ANK2: variants seen among roughly 807,000 people sequenced by gnomAD.
ANK2 encodes the protein ankyrin-2.
ANK2 carries 83 observed loss-of-function variants against 360.5 expected under a neutral mutation model. That is an observed-to-expected ratio of 0.23 (90% CI 0.19 to 0.28). The LOEUF (loss-of-function observed/expected upper bound fraction) is 0.28, where lower values mean the gene tolerates loss of function less well. Ranked by LOEUF, ANK2 falls within the 10% of genes least tolerant of loss-of-function variation. The probability of loss-of-function intolerance (pLI) is 1.00; values close to 1 mark genes in which losing one functional copy is unlikely to be tolerated. For synonymous variants in ANK2, 1,740 were observed against 1,759.5 expected (o/e 0.99, Z 0.28); for missense variants, 4,201 against 4,795.7 (o/e 0.88, Z 3.66).
intron 22 of ANK2, among the ~76,000 whole-genome samples, chr4:113,296,495 T>C (rs545622991): frequency 6.6e-6 from 1 of 152,314 alleles, no homozygotes; most frequent in East Asian, 1.9e-4. Flanking sequence ...CAAAGAAAGT[T>C]TCCTTTCCTA....
chr4:113,015,430 C>T (rs985866898), intron 2 of ANK2, among the ~76,000 whole-genome samples: 4 of 152,086 alleles, frequency 2.6e-5, no homozygotes, highest in Non-Finnish European at 4.4e-5. Flanking sequence ...ACCATATGTC[C>T]GAACTTTAAG....
intron 42 of ANK2, among the ~76,000 whole-genome samples, chr4:113,369,003 T>C (rs2096635504): frequency 6.6e-6 from 1 of 152,206 alleles, no homozygotes; most frequent in Non-Finnish European, 1.5e-5. Flanking sequence ...GAAAAAAGTT[T>C]CCATGTCAAC....
At chr4:113,228,409 T>A (rs747898233) in intron 4 of ANK2, among the ~76,000 whole-genome samples, 3 of 152,062 alleles carry the variant, frequency 2.0e-5, no homozygotes, top group African/African-American at 4.8e-5. Flanking sequence ...ATAGCTTAGC[T>A]CCCCCTAAGA....
chr4:113,019,306 T>G (rs1180727577), intron 2 of ANK2, among the ~76,000 whole-genome samples: 4 of 152,218 alleles, frequency 2.6e-5, no homozygotes, highest in African/African-American at 9.6e-5. Flanking sequence ...GTAAATAGAA[T>G]TATAAGCATA....
At chr4:113,165,075 G>A (rs1234181692) in intron 1 of ANK2, among the ~76,000 whole-genome samples, 1 of 152,050 alleles carries the variant, frequency 6.6e-6, no homozygotes, top group African/African-American at 2.4e-5. Context: ...TGTACAATAT[G>A]TAAAAACTCT....
At chr4:113,277,023 A>T (rs2060480428) in intron 15 of ANK2, among the ~76,000 whole-genome samples, 1 of 152,212 alleles carries the variant, frequency 6.6e-6, no homozygotes, top group African/African-American at 2.4e-5. Context: ...TCGAGATCTT[A>T]GTCCAGAGAC....
the ANK2 span, among the ~76,000 whole-genome samples, chr4:112,740,995 ATT>A: frequency 2.1e-5 from 3 of 141,264 alleles, no homozygotes; most frequent in Non-Finnish European, 3.1e-5. Flanking sequence ...TCTCAAAAAA[ATT>A]TTTTTTTTTT....
At chr4:113,131,309 G>T (rs1416418347) in intron 1 of ANK2, among the ~76,000 whole-genome samples, 1 of 152,122 alleles carries the variant, frequency 6.6e-6, no homozygotes, top group African/African-American at 2.4e-5. Flanking sequence ...ATGTTTAGCT[G>T]CCCTGAAGCA....
chr4:113,014,575 G>C (rs1322562574), intron 2 of ANK2, among the ~76,000 whole-genome samples: 1 of 152,138 alleles, frequency 6.6e-6, no homozygotes, highest in African/African-American at 2.4e-5. Context: ...TGGTTGGTTT[G>C]TTTGGGGTAA....
chr4:113,101,981 A>G (rs2092924711), intron 1 of ANK2, among the ~76,000 whole-genome samples: 1 of 152,174 alleles, frequency 6.6e-6, no homozygotes, highest in Non-Finnish European at 1.5e-5. Flanking sequence ...TGGTGAGGAT[A>G]GAGAAGCAAA....
At position 112,931,433 on chromosome 4, in the gene ANK2, C is replaced by CTTT. The variant is rs59802557; in HGVS notation, c.21+26940_21+26942dup. On this transcript the variant is annotated intron_variant, in intron 2 of 30. Transcript: ENST00000503271. ...TACCTTTCAAAGATTTCTTTCTTTT[C>CTTT]TTTTTTTTTTTTTTTTTTTTTTTGG... is the stretch of plus-strand genomic sequence containing the variant. 1.3e-3 allele frequency among the ~76,000 whole-genome samples: 115 copies of CTTT among 85,202 alleles called. 1 individual carries two copies. The highest frequency in any genetic ancestry group is 3.0e-3 in the South Asian group (7 of 2,328). 55.9% of individuals were successfully genotyped at this position (85,202 alleles called of 152,430 possible).
At chr4:113,203,705 C>A (rs914009031) in intron 4 of ANK2, among the ~76,000 whole-genome samples, 1 of 152,122 alleles carries the variant, frequency 6.6e-6, no homozygotes, top group African/African-American at 2.4e-5. Context: ...GTGTTGTGTA[C>A]ATTATCTCTT....
chr4:113,190,875 C>A (rs1335383245), intron 2 of ANK2, among the ~76,000 whole-genome samples: 1 of 152,160 alleles, frequency 6.6e-6, no homozygotes, highest in Non-Finnish European at 1.5e-5. Context: ...TTCCTTTAAA[C>A]CATGACTATT....
At chr4:112,966,473 AC>A in intron 2 of ANK2, among the ~76,000 whole-genome samples, 1 of 152,092 alleles carries the variant, frequency 6.6e-6, no homozygotes, top group East Asian at 1.9e-4. Context: ...GTGTGTGTAT[AC>A]ACATACTTTT....
intron 1 of ANK2, among the ~76,000 whole-genome samples, chr4:113,157,454 CT>C (rs2097344817): frequency 6.6e-6 from 1 of 152,124 alleles, no homozygotes; most frequent in Non-Finnish European, 1.5e-5. Context: ...AGATATTGCT[CT>C]GGATTCACTT....
At chr4:113,340,719 C>A (rs1331209974) in intron 32 of ANK2, among the ~76,000 whole-genome samples, 1 of 139,036 alleles carries the variant, frequency 7.2e-6, no homozygotes. Context: ...AAAAAACAAA[C>A]AAACAAAAAA....
intron 1 of ANK2, among the ~76,000 whole-genome samples, chr4:113,173,595 C>T (rs879319362): frequency 6.6e-6 from 1 of 152,080 alleles, no homozygotes; most frequent in African/African-American, 2.4e-5. Flanking sequence ...GCCAGGGGGC[C>T]GTGTGATTGT....
chr4:112,931,810 C>A (rs1382657103), intron 2 of ANK2, among the ~76,000 whole-genome samples: 1 of 152,120 alleles, frequency 6.6e-6, no homozygotes, highest in Non-Finnish European at 1.5e-5. Flanking sequence ...CTCTAACTAT[C>A]TTAATAGGAA....
At chr4:112,920,990 T>C (rs1036974055) in intron 2 of ANK2, among the ~76,000 whole-genome samples, 2 of 152,156 alleles carry the variant, frequency 1.3e-5, no homozygotes, top group Non-Finnish European at 2.9e-5. Flanking sequence ...CATCATGTTA[T>C]CAGAGTGTTT....
Sources: gnomAD v4.1 joint callset for allele counts (sites outside exome capture counted in the v4.1 genomes callset) on GRCh38, gnomAD v4.1.1 for gene constraint, MANE v1.5 for transcripts, NCBI Gene and HGNC (gene_info 2026-07-23, HGNC 2026-07-21) for gene names.